Variants in SNX4 observed in about 807,000 individuals in gnomAD.
SNX4 encodes the protein sorting nexin-4.
A neutral mutation model predicts 70.8 loss-of-function variants in SNX4; 49 were observed. The observed-to-expected ratio is 0.69, with a 90% CI of 0.55 to 0.88. SNX4 has a LOEUF of 0.88. SNX4 is among the 40% of genes least tolerant of loss of function. The pLI is 0.00. For synonymous variants in SNX4, 206 were observed against 183.8 expected, an observed-to-expected ratio of 1.12 and a Z score of -0.98; for missense variants, 528 against 544.8, an observed-to-expected ratio of 0.97 and a Z score of 0.31.
intron 9 of SNX4, among the ~76,000 whole-genome samples, chr3:125,466,207 C>T (rs914955227): frequency 6.6e-6 from 1 of 151,624 alleles, no homozygotes; most frequent in Non-Finnish European, 1.5e-5. Flanking sequence ...AGATATTAAA[C>T]TTGCATCCTG....
intron 1 of SNX4, among the ~76,000 whole-genome samples, chr3:125,516,677 C>A (rs1935291386): frequency 6.6e-6 from 1 of 152,140 alleles, no homozygotes; most frequent in Admixed American, 6.5e-5. Context: ...CCCCTCTTTA[C>A]TAAAAATACA....
At chr3:125,516,322 A>C (rs1935276583) in intron 1 of SNX4, among the ~76,000 whole-genome samples, 1 of 152,204 alleles carries the variant, frequency 6.6e-6, no homozygotes, top group Non-Finnish European at 1.5e-5. Flanking sequence ...ACTTTCTTAG[A>C]GAATGAATTC....
At chr3:125,457,807 C>T (rs887705557) in intron 10 of SNX4, among the ~76,000 whole-genome samples, 5 of 151,592 alleles carry the variant, frequency 3.3e-5, no homozygotes, top group African/African-American at 9.7e-5. Context: ...AAACTGCTGA[C>T]CTGAGGTGAC....
chr3:125,489,230 T>C (rs879420352), intron 6 of SNX4, among the ~76,000 whole-genome samples, 178 bp downstream of exon 6: 13 of 152,200 alleles, frequency 8.5e-5, no homozygotes, highest in Non-Finnish European at 1.5e-4. Flanking sequence ...GTCACAATCA[T>C]ACCCCCAATC....
chr3:125,458,872 T>C (rs1369231615), intron 10 of SNX4, among the ~76,000 whole-genome samples: 1 of 58,464 alleles, frequency 1.7e-5, no homozygotes, highest in Non-Finnish European at 3.4e-5. Flanking sequence ...AATACAGCAA[T>C]GCACAAAGTA....
At chr3:125,499,122 T>TTGA (rs1934871560) in intron 2 of SNX4, among the ~76,000 whole-genome samples, 1 of 152,218 alleles carries the variant, frequency 6.6e-6, no homozygotes. Context: ...GTCTCATACA[T>TTGA]ACAAAAGTTC....
At chr3:125,458,167 G>T (rs1933772186) in intron 10 of SNX4, among the ~76,000 whole-genome samples, 1 of 137,726 alleles carries the variant, frequency 7.3e-6, no homozygotes, top group African/African-American at 2.9e-5. Flanking sequence ...ATGTCTATTA[G>T]GTATTTTTTT....
Position 125,520,079 on chromosome 3 carries a change from C to A in SNX4, c.94G>T (p.Gly32Cys), listed in dbSNP as rs1935374845. The change falls in exon 1 of 14, where the codon GGC becomes TGC. Residue 32 changes from glycine (G) to cysteine (C), a missense_variant. Physicochemically the swap from Gly to Cys is radical, Grantham distance 159. This residue lies in a region of SNX4 where 341 missense variants were observed against 312.2 expected (regional missense o/e 1.09). Transcript: ENST00000251775. Reference protein sequence around the residue: ...SPDAGLGAAVGKEAEGAGEES... With the variant: ...SPDAGLGAAVCKEAEGAGEES... ...TCTCCGGCCCCCTCCGCTTCCTTGC[C>A]GACCGCAGCCCCCAGCCCAGCGTCT... The A allele has an allele frequency of 1.9e-6, 3 of 1,547,102 alleles. No homozygotes were observed. Among genetic ancestry groups the A allele is most frequent in the Admixed American group, 1.9e-5 (1 of 52,526 alleles).
At chr3:125,506,415 A>G (rs1410590850) in intron 1 of SNX4, among the ~76,000 whole-genome samples, 1 of 150,174 alleles carries the variant, frequency 6.7e-6, no homozygotes, top group East Asian at 1.9e-4. Context: ...ATCTCAATTC[A>G]GCGCAACCTC....
chr3:125,474,929 C>T (rs1021631893), intron 8 of SNX4, among the ~76,000 whole-genome samples: 1 of 151,950 alleles, frequency 6.6e-6, no homozygotes, highest in African/African-American at 2.4e-5. Context: ...TTGAGTAATA[C>T]TAAAAATTAG....
At chr3:125,478,981 CAA>C (rs1453759259) in intron 7 of SNX4, among the ~76,000 whole-genome samples, 16 of 152,256 alleles carry the variant, frequency 1.1e-4, no homozygotes, top group Admixed American at 8.5e-4. Flanking sequence ...ATAATTTATT[CAA>C]AGAGTCCAAC....
chr3:125,500,855 A>G (rs943080909), intron 2 of SNX4, among the ~76,000 whole-genome samples: 10 of 148,708 alleles, frequency 6.7e-5, no homozygotes, highest in African/African-American at 2.0e-4. Context: ...TAGAGTTAAC[A>G]CTAATTTTTA....
chr3:125,453,285 A>G (rs1933623845), intron 12 of SNX4, among the ~76,000 whole-genome samples: 1 of 152,194 alleles, frequency 6.6e-6, no homozygotes, highest in Non-Finnish European at 1.5e-5. Flanking sequence ...ATGCCGTGAT[A>G]GCCTGAGAAG....
At chr3:125,472,717 C>A (rs1385911119) in intron 8 of SNX4, among the ~76,000 whole-genome samples, 2 of 151,962 alleles carry the variant, frequency 1.3e-5, no homozygotes, top group African/African-American at 4.8e-5. Flanking sequence ...TCCCTCCAAT[C>A]CCCCAAAAGA....
At chr3:125,465,816 T>C (rs951470512) in intron 9 of SNX4, among the ~76,000 whole-genome samples, 25 of 152,106 alleles carry the variant, frequency 1.6e-4, no homozygotes, top group African/African-American at 5.6e-4. Flanking sequence ...CTAATTTTTG[T>C]ATTTTTAGTA....
At chr3:125,505,541 G>A (rs1559824664) in intron 1 of SNX4, among the ~76,000 whole-genome samples, 1 of 152,206 alleles carries the variant, frequency 6.6e-6, no homozygotes, top group Admixed American at 6.5e-5. Context: ...CAGCTGTGCA[G>A]CATTCCTGGA....
At chr3:125,476,670 T>G (rs562303953) in intron 8 of SNX4, 25 bp downstream of exon 8, 3 of 1,419,812 alleles carry the variant, frequency 2.1e-6, no homozygotes, top group Admixed American at 1.7e-5. Context: ...AAGCTAATTA[T>G]TTTTAAAGTT....
chr3:125,487,782 C>G (rs1211180731), intron 6 of SNX4, among the ~76,000 whole-genome samples: 1 of 150,376 alleles, frequency 6.6e-6, no homozygotes, highest in South Asian at 2.1e-4. Flanking sequence ...AAAACTATAG[C>G]GATAATAAAA....
At chr3:125,516,749 A>G (rs891083509) in intron 1 of SNX4, among the ~76,000 whole-genome samples, 1 of 152,144 alleles carries the variant, frequency 6.6e-6, no homozygotes, top group Non-Finnish European at 1.5e-5. Context: ...GCTGAGGCAC[A>G]AGAATCACTT....
Sources: gnomAD v4.1 joint callset for allele counts (sites outside exome capture counted in the v4.1 genomes callset) on GRCh38, gnomAD v4.1.1 for gene constraint, gnomAD v4.1.1 regional missense constraint, MANE v1.5 for transcripts, NCBI Gene and HGNC (gene_info 2026-07-23, HGNC 2026-07-21) for gene names.